The following MARCHF1 variants were observed in gnomAD, a reference collection of about 807,000 sequenced individuals.
The protein encoded by MARCHF1 is membrane associated ring-CH-type finger 1.
MARCHF1 carries 40 observed loss-of-function variants against 54.2 expected under a neutral mutation model. That is an observed-to-expected ratio of 0.74 (90% CI 0.57 to 0.96). MARCHF1 has a LOEUF of 0.96. MARCHF1 is among the 40% of genes least tolerant of loss of function. The pLI is 0.00. For missense variants in MARCHF1, 586 were observed against 656.5 expected (o/e 0.89, Z 1.17); for synonymous variants, 236 against 236.3 (o/e 1.00, Z 0.01).
At chr4:164,381,439 C>A (rs374106967) in intron 1 of MARCHF1, among the ~76,000 whole-genome samples, 29 of 152,164 alleles carry the variant, frequency 1.9e-4, no homozygotes, top group African/African-American at 6.5e-4. Flanking sequence ...GTACTTTTGA[C>A]CTTCTTGGAT....
chr4:163,710,900 G>A (rs1745087269), intron 4 of MARCHF1, among the ~76,000 whole-genome samples: 1 of 152,034 alleles, frequency 6.6e-6, no homozygotes, highest in South Asian at 2.1e-4. Flanking sequence ...ATAAAGTCAG[G>A]TTGGCATAAG....
intron 3 of MARCHF1, among the ~76,000 whole-genome samples, chr4:163,855,926 A>G (rs1749758276): frequency 6.6e-6 from 1 of 152,204 alleles, no homozygotes; most frequent in Non-Finnish European, 1.5e-5. Context: ...TAGTAGTCAT[A>G]AGAAGAGGAT....
chr4:164,241,651 G>C (rs4455373), intron 1 of MARCHF1, among the ~76,000 whole-genome samples: 3 of 151,946 alleles, frequency 2.0e-5, no homozygotes, highest in Non-Finnish European at 2.9e-5. Context: ...GAACAGCTCC[G>C]GTCTACAGCT....
chr4:164,174,161 C>T (rs1730602752), intron 1 of MARCHF1, among the ~76,000 whole-genome samples: 1 of 152,084 alleles, frequency 6.6e-6, no homozygotes, highest in Non-Finnish European at 1.5e-5. Context: ...AATGTGCAAT[C>T]TTGAGCTTTA....
rs33998703 is a variant in MARCHF1, at chr4:164,045,511, T to TTAAATAAA, written c.-247-56810_-247-56803dup. 8.9e-3 allele frequency among the ~76,000 whole-genome samples: 1,297 copies of TTAAATAAA among 145,416 alleles called. 22 individuals are homozygous for TTAAATAAA. The highest frequency in any genetic ancestry group is 0.054 in the East Asian group (260 of 4,838). ...TGGGTGGTGGAGTGAGACTCCATCT[T>TTAAATAAA]TAAATAAATAAATAAATAAATAAAT... On this transcript the variant is annotated intron_variant, in intron 2 of 9. Coordinates refer to ENST00000514618, the MANE Select transcript of MARCHF1 (RefSeq NM_001394959.1).
At chr4:163,898,550 T>G (rs1750867689) in intron 3 of MARCHF1, among the ~76,000 whole-genome samples, 1 of 152,178 alleles carries the variant, frequency 6.6e-6, no homozygotes, top group Non-Finnish European at 1.5e-5. Flanking sequence ...TTGGTGAGGA[T>G]GCAGAGAAAA....
chr4:164,246,133 G>A (rs1404177031), intron 1 of MARCHF1, among the ~76,000 whole-genome samples: 4 of 70,942 alleles, frequency 5.6e-5, no homozygotes, highest in Non-Finnish European at 9.5e-5. Flanking sequence ...AAAAGAGCTC[G>A]CATCGCCAAG....
At chr4:163,844,000 T>C (rs1300473348) in intron 4 of MARCHF1, among the ~76,000 whole-genome samples, 1 of 152,102 alleles carries the variant, frequency 6.6e-6, no homozygotes, top group African/African-American at 2.4e-5. Context: ...AACTTTTAAC[T>C]TCAGGGGTAC....
chr4:163,982,405 A>C (rs1752781267), intron 3 of MARCHF1, among the ~76,000 whole-genome samples: 1 of 152,240 alleles, frequency 6.6e-6, no homozygotes, highest in Non-Finnish European at 1.5e-5. Context: ...CAGGCTATTC[A>C]AAAATTAATG....
chr4:164,296,183 A>G (rs1370251632), intron 1 of MARCHF1, among the ~76,000 whole-genome samples: 2 of 152,210 alleles, frequency 1.3e-5, no homozygotes, highest in Non-Finnish European at 2.9e-5. Flanking sequence ...CTATGGCTCA[A>G]AACCAGTGTC....
chr4:163,598,556 G>A (rs747689645), intron 7 of MARCHF1, among the ~76,000 whole-genome samples: 1 of 152,150 alleles, frequency 6.6e-6, no homozygotes, highest in Non-Finnish European at 1.5e-5. Context: ...ACATGTTACT[G>A]TACTGAATAC....
intron 3 of MARCHF1, among the ~76,000 whole-genome samples, chr4:163,920,760 TG>T (rs1751412866): frequency 6.6e-6 from 1 of 152,212 alleles, no homozygotes. Flanking sequence ...ATAGAAATTT[TG>T]GAATATATTA....
intron 4 of MARCHF1, among the ~76,000 whole-genome samples, chr4:163,788,854 C>T (rs533229212): frequency 6.6e-6 from 1 of 152,012 alleles, no homozygotes; most frequent in Non-Finnish European, 1.5e-5. Flanking sequence ...CTTTAGCAGA[C>T]AGCAATCTCA....
chr4:163,910,259 T>G (rs947787397), intron 3 of MARCHF1, among the ~76,000 whole-genome samples: 1 of 152,182 alleles, frequency 6.6e-6, no homozygotes, highest in Admixed American at 6.5e-5. Flanking sequence ...TCTTTCATAA[T>G]GATTCCACTT....
intron 5 of MARCHF1, among the ~76,000 whole-genome samples, chr4:163,695,843 A>C (rs1468699937): frequency 1.3e-5 from 2 of 152,190 alleles, no homozygotes; most frequent in Non-Finnish European, 2.9e-5. Context: ...ATAAAAGGCA[A>C]GATTTGGCTG....
chr4:164,196,699 G>C (rs999265713), intron 1 of MARCHF1, among the ~76,000 whole-genome samples: 4 of 152,246 alleles, frequency 2.6e-5, no homozygotes, highest in East Asian at 1.9e-4. Flanking sequence ...AATAAAAAGA[G>C]AGAGAGAATA....
chr4:163,958,348 T>C (rs972937052), intron 3 of MARCHF1, among the ~76,000 whole-genome samples: 5 of 152,018 alleles, frequency 3.3e-5, no homozygotes, highest in African/African-American at 1.2e-4. Flanking sequence ...AAATTAGATA[T>C]GATGACTGTT....
intron 1 of MARCHF1, among the ~76,000 whole-genome samples, chr4:164,169,077 G>A (rs1032503226): frequency 1.3e-5 from 2 of 151,976 alleles, no homozygotes; most frequent in Non-Finnish European, 2.9e-5. Context: ...TGCTGGATAC[G>A]TAGATTTTAG....
intron 3 of MARCHF1, among the ~76,000 whole-genome samples, chr4:163,921,168 A>T (rs1380142623): frequency 6.6e-6 from 1 of 152,202 alleles, no homozygotes; most frequent in Admixed American, 6.5e-5. Flanking sequence ...GAAGAAGTAA[A>T]GATAGCCTGA....
Sources: allele counts gnomAD v4.1 joint callset (sites outside exome capture counted in the v4.1 genomes callset), GRCh38; gene constraint gnomAD v4.1.1; transcripts MANE v1.5; gene names NCBI Gene and HGNC (gene_info 2026-07-23, HGNC 2026-07-21).